TMEM131: variants seen among roughly 807,000 people sequenced by gnomAD.
TMEM131 encodes the protein 2610524E03Rik.
In TMEM131, 66 loss-of-function variants were observed where a neutral mutation model predicts 211.6. That is an observed-to-expected ratio of 0.31 (90% CI 0.26 to 0.38). The LOEUF (loss-of-function observed/expected upper bound fraction) is 0.38. Ranked by LOEUF, TMEM131 falls within the 10% of genes least tolerant of loss-of-function variation. TMEM131 has a pLI of 1.00. For synonymous variants in TMEM131, 844 were observed against 841.3 expected, an observed-to-expected ratio of 1.00 and a Z score of -0.06; for missense variants, 2,036 against 2,299.3, an observed-to-expected ratio of 0.89 and a Z score of 2.34.
chr2:97,885,574 C>T (rs956173516), intron 4 of TMEM131, among the ~76,000 whole-genome samples: 1 of 151,960 alleles, frequency 6.6e-6, no homozygotes, highest in African/African-American at 2.4e-5. Flanking sequence ...TCCCCCACCC[C>T]CACTTTGAGT....
At chr2:97,988,946 A>G (rs2104673103) in intron 1 of TMEM131, among the ~76,000 whole-genome samples, 2 of 152,308 alleles carry the variant, frequency 1.3e-5, no homozygotes, top group East Asian at 1.9e-4. Flanking sequence ...TCTTGAAGAG[A>G]TATTTGCATA....
At chr2:97,901,687 G>A (rs1042146178) in intron 3 of TMEM131, among the ~76,000 whole-genome samples, 1 of 152,146 alleles carries the variant, frequency 6.6e-6, no homozygotes, top group Non-Finnish European at 1.5e-5. Flanking sequence ...GCACTGAAAA[G>A]CAAATATTGC....
At chr2:97,934,661 T>C (rs140696166) in intron 1 of TMEM131, among the ~76,000 whole-genome samples, 61 of 152,284 alleles carry the variant, frequency 4.0e-4, no homozygotes, top group African/African-American at 1.3e-3. Flanking sequence ...GGCAGAGGGA[T>C]AGACACATAA....
intron 1 of TMEM131, among the ~76,000 whole-genome samples, chr2:97,984,997 T>C (rs1411458892): frequency 1.3e-5 from 2 of 152,090 alleles, no homozygotes; most frequent in African/African-American, 2.4e-5. Flanking sequence ...GGACTGCTCC[T>C]ACAGCTTAAG....
At chr2:97,820,780 C>A (rs145838658) in intron 11 of TMEM131, among the ~76,000 whole-genome samples, 1 of 151,558 alleles carries the variant, frequency 6.6e-6, no homozygotes, top group Non-Finnish European at 1.5e-5. Context: ...TACTTGAATC[C>A]GGGAGGCGGA....
intron 1 of TMEM131, among the ~76,000 whole-genome samples, chr2:97,944,703 A>G (rs1222377481): frequency 6.6e-6 from 1 of 152,206 alleles, no homozygotes; most frequent in African/African-American, 2.4e-5. Flanking sequence ...TAATACATAC[A>G]TACACGAAAA....
chr2:97,760,344 G>A, intron 38 of TMEM131: 1 of 540,210 alleles, frequency 1.9e-6, no homozygotes. Context: ...GGTGTAACGT[G>A]TGTCTGCCTG....
At chr2:97,918,817 G>A (rs954646702) in intron 2 of TMEM131, among the ~76,000 whole-genome samples, 3 of 149,148 alleles carry the variant, frequency 2.0e-5, no homozygotes, top group African/African-American at 5.0e-5. Context: ...ATCTACTGCT[G>A]CATAATAAAG....
chr2:97,887,724 TAAG>T (rs1022549002), intron 4 of TMEM131: 50 of 193,730 alleles, frequency 2.6e-4, no homozygotes, highest in Admixed American at 1.1e-3. Flanking sequence ...ATTTTATTCA[TAAG>T]AAGATTTTTA....
At chr2:97,930,301 G>A (rs1468367855) in intron 1 of TMEM131, among the ~76,000 whole-genome samples, 1 of 151,746 alleles carries the variant, frequency 6.6e-6, no homozygotes, top group Non-Finnish European at 1.5e-5. Context: ...CACTGAATGA[G>A]TTCCCACCAT....
At chr2:97,860,235 C>A (rs2105179732) in intron 4 of TMEM131, among the ~76,000 whole-genome samples, 1 of 152,280 alleles carries the variant, frequency 6.6e-6, no homozygotes, top group Admixed American at 6.5e-5. Flanking sequence ...TCACATGACC[C>A]AACCTAAACA....
intron 2 of TMEM131, among the ~76,000 whole-genome samples, chr2:97,916,768 T>C (rs963982994): frequency 6.6e-6 from 1 of 152,204 alleles, no homozygotes; most frequent in Non-Finnish European, 1.5e-5. Context: ...TTTTCAATTC[T>C]AGCTTTATCA....
At chr2:97,767,100 G>A (rs1679207198) in intron 33 of TMEM131, among the ~76,000 whole-genome samples, 2 of 152,174 alleles carry the variant, frequency 1.3e-5, no homozygotes, top group African/African-American at 2.4e-5. Flanking sequence ...AAATTATGAG[G>A]TGACCCAGAG....
In TMEM131 at chr2:97,811,116, T is replaced by C. The variant is rs1681528922; in HGVS notation, c.1968+12A>G. On this transcript the variant is annotated intron_variant, in intron 18 of 40. Coordinates refer to ENST00000186436, the MANE Select transcript of TMEM131 (RefSeq NM_015348.2). ...AAAACCCCACTGCCATGAATCCCCA[T>C]AAAGTCCTTACCTCATAGTCTGTTG... 2 of 1,592,520 alleles carry C rather than the reference T, an allele frequency of 1.3e-6. No homozygotes were observed. Among genetic ancestry groups the C allele is most frequent in the African/African-American group, 1.3e-5 (1 of 74,420 alleles).
At chr2:97,829,376 GGTAAAAACGCACCAATCAGCGCTCT>G (rs1228897352) in intron 11 of TMEM131, among the ~76,000 whole-genome samples, 1 of 138,552 alleles carries the variant, frequency 7.2e-6, no homozygotes, top group Admixed American at 7.1e-5. Flanking sequence ...ATCAGCACTC[GGTAAAAACGCACCAATCAGCGCTCT>G]GTGTCTAGCT....
rs1194997004 is a variant in TMEM131 at position 97,995,792 on chromosome 2, C to G, written c.-130G>C. 1.7e-6 allele frequency: 1 copy of G among 582,728 alleles called. No individual in the cohort carries two copies. The highest frequency in any genetic ancestry group is 2.0e-5 in the African/African-American group (1 of 50,552). 36.1% of individuals were successfully genotyped at this position (582,728 alleles called of 1,614,324 possible). A position where few individuals can be genotyped will look rare whatever the true frequency, so the allele number is the denominator to read the frequency against. ...AGCGACAACGGTTGCGAGCCCGGGGCTCGATCTCCGAGCGTGGGCCTGGGT... is the reference window on the plus strand; with the variant it reads ...AGCGACAACGGTTGCGAGCCCGGGGGTCGATCTCCGAGCGTGGGCCTGGGT... On this transcript the variant is annotated 5_prime_UTR_variant, in exon 1 of 41. Transcript: ENST00000186436.
intron 29 of TMEM131, 37 bp from the exon 30 acceptor site, chr2:97,793,590 T>C (rs1419779033): frequency 6.4e-7 from 1 of 1,563,474 alleles, no homozygotes; most frequent in Non-Finnish European, 8.7e-7. Flanking sequence ...TCAGGATTCA[T>C]TTGTTAGTAG....
intron 29 of TMEM131, among the ~76,000 whole-genome samples, chr2:97,794,016 C>CA (rs1221709834): frequency 1.0e-5 from 1 of 96,062 alleles, no homozygotes; most frequent in Non-Finnish European, 2.0e-5. Context: ...AAAAAAAAAA[C>CA]AAAAAACCCA....
intron 2 of TMEM131, among the ~76,000 whole-genome samples, chr2:97,912,155 T>A (rs1480630195): frequency 6.6e-6 from 1 of 152,130 alleles, no homozygotes; most frequent in African/African-American, 2.4e-5. Context: ...AAATAAGGAT[T>A]ACAACATTAA....
Sources: allele counts gnomAD v4.1 joint callset (sites outside exome capture counted in the v4.1 genomes callset), GRCh38; gene constraint gnomAD v4.1.1; transcripts MANE v1.5; gene names NCBI Gene and HGNC (gene_info 2026-07-23, HGNC 2026-07-21).